The following WNK3 variants were observed in gnomAD, a reference collection of about 807,000 sequenced individuals.
WNK3 encodes WNK lysine deficient protein kinase 3.
A neutral mutation model predicts 116.7 loss-of-function variants in WNK3; 18 were observed. That is an observed-to-expected ratio of 0.15 (90% CI 0.11 to 0.23). WNK3 has a LOEUF of 0.23. WNK3 is among the 10% of genes least tolerant of loss of function. The probability of loss-of-function intolerance (pLI) is 1.00; values close to 1 mark genes in which losing one functional copy is unlikely to be tolerated. For missense variants in WNK3, 993 were observed against 1,323.8 expected (o/e 0.75, Z 3.88); for synonymous variants, 404 against 469.4 (o/e 0.86, Z 1.80).
At chrX:54,231,184 G>C (rs1557148849) in intron 21 of WNK3, among the ~76,000 whole-genome samples, 1 of 112,231 alleles carries the variant, frequency 8.9e-6, no homozygotes. Flanking sequence ...TAGTGATACT[G>C]CATCAGACTG....
chrX:54,255,674 ACT>A (rs2068184124), intron 12 of WNK3, 64 bp downstream of exon 12: 1 of 1,034,808 alleles, frequency 9.7e-7, no homozygotes. Context: ...CTTCTGCAGC[ACT>A]GCCCCTCTCT....
In WNK3 at chrX:54,260,887, AT is replaced by A. The variant is rs1341737424; in HGVS notation, c.2038-1550del. Among the ~76,000 whole-genome samples, 752 of 93,056 alleles carry A rather than the reference AT, an allele frequency of 8.1e-3. 5 individuals carry two copies. The highest frequency in any genetic ancestry group is 0.022 in the African/African-American group (554 of 25,733). 80.8% of individuals were successfully genotyped at this position (93,056 alleles called of 115,157 possible). ...CAGGCGCGTACCACCACACCCGGCT[AT>A]TTTTTTTTTTTTTGTATTTTTAGTA... On this transcript the variant is annotated intron_variant, in intron 10 of 23. Transcript: ENST00000354646.
At chrX:54,283,390 A>C (rs534939960) in intron 10 of WNK3, among the ~76,000 whole-genome samples, 1 of 112,513 alleles carries the variant, frequency 8.9e-6, no homozygotes, top group South Asian at 3.7e-4. Context: ...ATATAGAAAG[A>C]TGCTCAACAT....
At chrX:54,302,042 A>C (rs1409213109) in intron 5 of WNK3, among the ~76,000 whole-genome samples, 183 bp from the exon 6 acceptor site, 2 of 111,665 alleles carry the variant, frequency 1.8e-5, no homozygotes, top group Non-Finnish European at 3.8e-5. Context: ...TGTTGTCTAC[A>C]AATAACAGTA....
At chrX:54,292,820 C>T (rs782522559) in intron 10 of WNK3, 68 bp downstream of exon 10, 18 of 1,063,488 alleles carry the variant, frequency 1.7e-5, no homozygotes, top group Non-Finnish European at 2.3e-5. Context: ...AGAACTTTTG[C>T]CTGTCAGAAA....
intron 17 of WNK3, among the ~76,000 whole-genome samples, chrX:54,246,669 G>C (rs2068076802): frequency 8.9e-6 from 1 of 112,003 alleles, no homozygotes; most frequent in Non-Finnish European, 1.9e-5. Flanking sequence ...AGAGCAACTA[G>C]ACCTGTGCTA....
intron 2 of WNK3, among the ~76,000 whole-genome samples, chrX:54,323,912 C>T (rs1308982253): frequency 8.9e-6 from 1 of 111,993 alleles, no homozygotes; most frequent in Non-Finnish European, 1.9e-5. Context: ...GTATTCATTT[C>T]CTATTGCTAC....
chrX:54,288,892 C>T (rs1169904488), intron 10 of WNK3, among the ~76,000 whole-genome samples: 3 of 111,785 alleles, frequency 2.7e-5, no homozygotes, highest in African/African-American at 9.7e-5. Flanking sequence ...TTCTGATGTG[C>T]AGAGTTTGTC....
At chrX:54,263,856 T>C (rs1367763961) in intron 10 of WNK3, among the ~76,000 whole-genome samples, 8 of 110,524 alleles carry the variant, frequency 7.2e-5, no homozygotes, top group African/African-American at 2.6e-4. Context: ...AGACGTTGTC[T>C]TGTATAAGGC....
chrX:54,213,556 A>T (rs2067644369), intron 22 of WNK3, among the ~76,000 whole-genome samples: 1 of 96,893 alleles, frequency 1.0e-5, no homozygotes, highest in Non-Finnish European at 2.0e-5. Context: ...TCCGTCTCAA[A>T]AAAAAAAACA....
At chrX:54,278,004 G>A (rs2068470017) in intron 10 of WNK3, among the ~76,000 whole-genome samples, 1 of 108,692 alleles carries the variant, frequency 9.2e-6, no homozygotes, top group Non-Finnish European at 1.9e-5. Context: ...TGTGGTGGGA[G>A]GATTGCTCGA....
chrX:54,333,910 T>C, intron 1 of WNK3, 118 bp from the exon 2 acceptor site: 1 of 405,574 alleles, frequency 2.5e-6, no homozygotes, highest in Non-Finnish European at 4.2e-6. Context: ...TTCTTTTTTC[T>C]GTCCAATCTT....
At chrX:54,215,954 G>A (rs2146765953) in intron 22 of WNK3, among the ~76,000 whole-genome samples, 1 of 111,346 alleles carries the variant, frequency 9.0e-6, no homozygotes, top group Admixed American at 9.6e-5. Flanking sequence ...TTCTGCCTTG[G>A]GATGCTGTTA....
At chrX:54,330,557 C>T (rs1306023902) in intron 2 of WNK3, among the ~76,000 whole-genome samples, 1 of 110,301 alleles carries the variant, frequency 9.1e-6, no homozygotes, top group Non-Finnish European at 1.9e-5. Context: ...ATTATGTCTC[C>T]CAAAAAAATA....
At chrX:54,299,091 A>C (rs1557166950) in intron 6 of WNK3, among the ~76,000 whole-genome samples, 1 of 112,126 alleles carries the variant, frequency 8.9e-6, no homozygotes, top group Non-Finnish European at 1.9e-5. Flanking sequence ...ATAGCTTCAA[A>C]AGATTTGTTT....
At chrX:54,242,972 GA>G (rs1315329345) in intron 17 of WNK3, among the ~76,000 whole-genome samples, 2 of 109,865 alleles carry the variant, frequency 1.8e-5, no homozygotes, top group African/African-American at 6.7e-5. Flanking sequence ...AATATACAAA[GA>G]TTTTTTTTAT....
intron 10 of WNK3, among the ~76,000 whole-genome samples, chrX:54,291,167 G>A (rs1337302397): frequency 9.1e-6 from 1 of 110,402 alleles, no homozygotes; most frequent in Admixed American, 9.7e-5. Context: ...CAAAAAATTA[G>A]CCGGGCATGG....
intron 12 of WNK3, among the ~76,000 whole-genome samples, chrX:54,254,916 T>C (rs190179878): frequency 1.1e-4 from 12 of 111,615 alleles, no homozygotes; most frequent in Non-Finnish European, 2.1e-4. Flanking sequence ...AAGTCCGATC[T>C]AGGTTCAGAT....
chrX:54,345,282 ATATGTATG>A (rs572331448), intron 1 of WNK3, among the ~76,000 whole-genome samples: 2,913 of 100,895 alleles, frequency 0.029, 92 homozygotes, highest in African/African-American at 0.088. Flanking sequence ...AACTATATAT[ATATGTATG>A]TATGTATGTA....
Sources: gnomAD v4.1 joint callset for allele counts (sites outside exome capture counted in the v4.1 genomes callset) on GRCh38, gnomAD v4.1.1 for gene constraint, MANE v1.5 for transcripts, NCBI Gene and HGNC (gene_info 2026-07-23, HGNC 2026-07-21) for gene names.